PRRC2C: variants seen among roughly 807,000 people sequenced by gnomAD.
PRRC2C encodes proline rich coiled-coil 2C.
PRRC2C carries 72 observed loss-of-function variants against 317.2 expected under a neutral mutation model. The ratio of observed to expected loss-of-function variants is 0.23; its 90% CI spans 0.19 to 0.28. The LOEUF (loss-of-function observed/expected upper bound fraction) is 0.28, where lower values mean the gene tolerates loss of function less well. Ranked by LOEUF, PRRC2C falls within the 10% of genes least tolerant of loss-of-function variation. PRRC2C has a pLI of 1.00. For synonymous variants in PRRC2C, 1,296 were observed against 1,205.9 expected (o/e 1.07, Z -1.55); for missense variants, 3,074 against 3,459.7 (o/e 0.89, Z 2.80).
At position 171,540,437 on chromosome 1, in the gene PRRC2C, T is replaced by A; in HGVS notation, c.2971T>A (p.Ser991Thr). The A allele has an allele frequency of 6.2e-7, 1 of 1,612,540 alleles. No individual in the cohort carries two copies. The highest frequency in any genetic ancestry group is 8.5e-7 in the Non-Finnish European group (1 of 1,179,380). The change falls in exon 16 of 35, where the codon TCA (serine) becomes ACA (threonine). Residue 991 changes from serine (S) to threonine (T), a missense_variant. Ser to Thr is a moderately conservative substitution (Grantham distance 58). This residue lies in a region of PRRC2C where 1,320 missense variants were observed against 1,395.7 expected (regional missense o/e 0.95). Transcript: ENST00000647382. ...PKPEKVYKSK[S>T]ETRWGPRPSS... Reference sequence around the variant, plus strand: ...ACCTGAAAAAGTATATAAATCTAAATCAGAAACTCGTTGGGGCCCACGACC... The same window carrying A: ...ACCTGAAAAAGTATATAAATCTAAAACAGAAACTCGTTGGGGCCCACGACC...
chr1:171,527,218 C>T (rs538438762), intron 10 of PRRC2C, among the ~76,000 whole-genome samples: 109 of 150,328 alleles, frequency 7.3e-4, no homozygotes, highest in African/African-American at 2.6e-3. Flanking sequence ...CTGCAACCTC[C>T]GCCTCCCAGG....
intron 24 of PRRC2C, among the ~76,000 whole-genome samples, chr1:171,573,804 G>A (rs777438269): frequency 8.3e-5 from 12 of 145,234 alleles, no homozygotes; most frequent in Non-Finnish European, 1.6e-4. Context: ...TCAGCCTCCC[G>A]AGTAGCTGGA....
At chr1:171,515,199 A>G (rs1002872856) in intron 4 of PRRC2C, among the ~76,000 whole-genome samples, 9 of 152,240 alleles carry the variant, frequency 5.9e-5, no homozygotes, top group Non-Finnish European at 7.3e-5. Context: ...AGCTAACAAA[A>G]CTAGCTGTTT....
chr1:171,494,085 A>C (rs1667676394), intron 1 of PRRC2C, among the ~76,000 whole-genome samples: 1 of 152,246 alleles, frequency 6.6e-6, no homozygotes, highest in Non-Finnish European at 1.5e-5. Context: ...TAAGAGAAAC[A>C]GTTGTGTAAT....
chr1:171,527,486 G>A (rs145620962), intron 10 of PRRC2C, among the ~76,000 whole-genome samples: 21 of 151,764 alleles, frequency 1.4e-4, no homozygotes, highest in Non-Finnish European at 2.9e-4. Context: ...AGCTGGTGTG[G>A]TGGCTCACAT....
At chr1:171,574,805 CTT>C in intron 24 of PRRC2C, 120 bp from the exon 25 acceptor site, 4 of 914,780 alleles carry the variant, frequency 4.4e-6, no homozygotes, top group East Asian at 2.6e-5. Context: ...CTTTAAATAT[CTT>C]TGTGTGTGTG....
chr1:171,514,579 G>T lies in PRRC2C; in HGVS notation c.334G>T (p.Ala112Ser), dbSNP rs148272649. 2.3e-3 allele frequency: 3,640 copies of T among 1,560,752 alleles called. 46 individuals carry two copies. Among genetic ancestry groups the T allele is most frequent in the African/African-American group, 0.018 (1,353 of 73,322 alleles). ...AGCACAGCCAAAACCTGGGGTTGCA[G>T]CTCCCCCAGAAGTAGCACCTGCTCC... ...PPAQPKPGVAAPPEVAPAPKS... is the reference protein window; with the variant it reads ...PPAQPKPGVASPPEVAPAPKS... Residue 112 changes from alanine (A) to serine (S), a missense_variant, in exon 4 of 35, where the codon GCT becomes TCT. Transcript: ENST00000647382.
chr1:171,552,299 T>C (rs1680401997), intron 18 of PRRC2C, among the ~76,000 whole-genome samples: 2 of 152,218 alleles, frequency 1.3e-5, no homozygotes, highest in Admixed American at 6.5e-5. Flanking sequence ...TTGTGATTTT[T>C]GCACATTGAT....
chr1:171,589,637 GA>G, intron 34 of PRRC2C, 32 bp downstream of exon 34: 1 of 1,250,210 alleles, frequency 8.0e-7, no homozygotes, highest in Non-Finnish European at 1.0e-6. Flanking sequence ...AACAGATCAA[GA>G]ATCTGTCTCT....
chr1:171,556,059 T>C (rs1160129548), intron 18 of PRRC2C, among the ~76,000 whole-genome samples: 4 of 152,168 alleles, frequency 2.6e-5, no homozygotes, highest in East Asian at 1.9e-4. Context: ...GCAGGCCTCA[T>C]TGAACTGCGG....
At chr1:171,538,793 C>T (rs1423752983) in intron 15 of PRRC2C, among the ~76,000 whole-genome samples, 1 of 152,146 alleles carries the variant, frequency 6.6e-6, no homozygotes, top group African/African-American at 2.4e-5. Flanking sequence ...CTCACTGCAG[C>T]CTTGACCTCC....
At chr1:171,584,370 T>A (rs1304187156) in intron 29 of PRRC2C, 49 bp from the exon 30 acceptor site, 1 of 1,483,154 alleles carries the variant, frequency 6.7e-7, no homozygotes, top group Admixed American at 2.5e-5. Flanking sequence ...CCTCTGAATT[T>A]GAAATTTTTT....
chr1:171,583,380 C>T (rs1014633340), intron 28 of PRRC2C, among the ~76,000 whole-genome samples: 3 of 149,672 alleles, frequency 2.0e-5, no homozygotes, highest in South Asian at 2.1e-4. Context: ...GGCTAGGCTA[C>T]GCAGGGCTAG....
intron 30 of PRRC2C, among the ~76,000 whole-genome samples, chr1:171,586,621 G>A (rs965138623): frequency 2.8e-5 from 4 of 142,328 alleles, no homozygotes; most frequent in Admixed American, 7.1e-5. Context: ...TCGCTCTGTC[G>A]CCAGGCTGGA....
In PRRC2C at chr1:171,524,841, C is replaced by T. The variant is rs770253876; in HGVS notation, c.1076C>T (p.Ala359Val). Reference protein sequence around the residue: ...ENNSEDQGSKASENNENKKET... With the variant: ...ENNSEDQGSKVSENNENKKET... The stretch of plus-strand genomic sequence containing the variant: ...TTCAGTGAGGATCAAGGTTCAAAAG[C>T]CTCTGAAAACAACGAAAACAAAAAA... The change falls in exon 10 of 35, where the codon GCC (alanine) becomes GTC (valine). Residue 359 changes from alanine to valine, a missense_variant. By Grantham distance (64) the Ala-to-Val change is moderately conservative. This residue lies in a region of PRRC2C where 1,320 missense variants were observed against 1,395.7 expected (regional missense o/e 0.95). Transcript: ENST00000647382. The T allele has an allele frequency of 6.3e-7, 1 of 1,575,588 alleles. No homozygotes were observed. Among genetic ancestry groups the T allele is most frequent in the Non-Finnish European group, 8.6e-7 (1 of 1,159,160 alleles).
chr1:171,510,486 T>C (rs987696009), intron 1 of PRRC2C: 2 of 152,248 alleles, frequency 1.3e-5, no homozygotes, highest in African/African-American at 4.8e-5. Context: ...TGTCCTCTTT[T>C]GTCACTGTAG....
At position 171,557,561 on chromosome 1, in the gene PRRC2C, G is replaced by A; in HGVS notation, c.5449G>A (p.Val1817Ile). 1 of 1,551,492 alleles carries A rather than the reference G, an allele frequency of 6.4e-7. No individual in the cohort carries two copies. Among genetic ancestry groups the A allele is most frequent in the Non-Finnish European group, 8.7e-7 (1 of 1,146,930 alleles). The change falls in exon 19 of 35, where the codon GTC (valine) becomes ATC (isoleucine). Residue 1817 changes from valine (V) to isoleucine (I), a missense_variant. Transcript: ENST00000647382. Reference sequence around the variant, plus strand: ...AGCTCCAGTTTCAGCCTCAGCCTCAGTCTCAGCTTCAGTTCCAGCCTCTAC... The same window carrying A: ...AGCTCCAGTTTCAGCCTCAGCCTCAATCTCAGCTTCAGTTCCAGCCTCTAC... The part of the protein sequence containing the change: ...PLAPVSASAS[V>I]SASVPASTSA...
chr1:171,515,987 C>A, intron 5 of PRRC2C, 128 bp downstream of exon 5: 1 of 992,548 alleles, frequency 1.0e-6, no homozygotes, highest in Non-Finnish European at 1.4e-6. Flanking sequence ...ACTATAGTCA[C>A]TTGCTACTCA....
intron 1 of PRRC2C, among the ~76,000 whole-genome samples, chr1:171,501,386 C>T (rs1034371555): frequency 6.6e-6 from 1 of 152,182 alleles, no homozygotes. Context: ...ATGCTTTGGC[C>T]TCCCAAAGTG....
Sources: gnomAD v4.1 joint callset for allele counts (sites outside exome capture counted in the v4.1 genomes callset) on GRCh38, gnomAD v4.1.1 for gene constraint, gnomAD v4.1.1 regional missense constraint, MANE v1.5 for transcripts, NCBI Gene and HGNC (gene_info 2026-07-23, HGNC 2026-07-21) for gene names.